The following ZNF573 variants were observed in gnomAD, a reference collection of about 807,000 sequenced individuals.
ZNF573 encodes zinc finger protein 573.
In ZNF573, 41 loss-of-function variants were observed where a neutral mutation model predicts 57.4. That is an observed-to-expected ratio of 0.71 (90% confidence interval 0.56 to 0.93). ZNF573 has a LOEUF of 0.93. Among genes scored for constraint, ZNF573 ranks in the 40% least tolerant of loss-of-function variants. The pLI is 0.00. For synonymous variants in ZNF573, 249 were observed against 261.0 expected, an observed-to-expected ratio of 0.95 and a Z score of 0.44; for missense variants, 730 against 794.8, an observed-to-expected ratio of 0.92 and a Z score of 0.98.
At chr19:37,755,075 T>C (rs2045475037) in intron 4 of ZNF573, 1 of 152,210 alleles carries the variant, frequency 6.6e-6, no homozygotes, top group Non-Finnish European at 1.5e-5. Context: ...GTTCACGCCA[T>C]TCTCCTGCCT....
At chr19:37,763,908 A>T (rs2045575767) in intron 4 of ZNF573, among the ~76,000 whole-genome samples, 1 of 152,006 alleles carries the variant, frequency 6.6e-6, no homozygotes, top group Non-Finnish European at 1.5e-5. Context: ...TACTAAAAAT[A>T]CAAAATTAGC....
chr19:37,743,386 T>C, intron 4 of ZNF573, among the ~76,000 whole-genome samples: 1 of 147,684 alleles, frequency 6.8e-6, no homozygotes, highest in African/African-American at 2.5e-5. Flanking sequence ...GAAGAAAAGC[T>C]CAACATCATC....
intron 4 of ZNF573, among the ~76,000 whole-genome samples, chr19:37,750,967 T>C (rs997058011): frequency 5.9e-5 from 9 of 151,844 alleles, no homozygotes; most frequent in Admixed American, 2.6e-4. Context: ...TCAGTACTCA[T>C]ACTTTGTGAC....
rs528988052 is a variant in ZNF573, at chr19:37,744,062, T to C, written c.296-3868A>G. 1.1e-3 allele frequency among the ~76,000 whole-genome samples: 170 copies of C among 150,490 alleles called. 1 individual carries two copies. Among genetic ancestry groups the C allele is most frequent in the African/African-American group, 4.1e-3 (166 of 40,950 alleles). On this transcript the variant is annotated intron_variant, in intron 4 of 4. Transcript: ENST00000536220. The stretch of plus-strand genomic sequence containing the variant: ...CAAACCACCACGGCACACGTATACC[T>C]ATGTAACAAACCTGCATGTTCTGCA...
In ZNF573 at chr19:37,739,615, T is replaced by C. The variant is rs1270566999; in HGVS notation, c.875A>G (p.His292Arg). 36 of 1,614,028 alleles carry C rather than the reference T, an allele frequency of 2.2e-5. No individual in the cohort carries two copies. The highest frequency in any genetic ancestry group is 3.0e-5 in the Non-Finnish European group (35 of 1,180,028). Reference protein sequence around the residue: ...TFSRRSNLVEHGQFHTDEKPY... With the variant: ...TFSRRSNLVERGQFHTDEKPY... Reference sequence around the variant, plus strand: ...CTTCTCATCAGTATGAAACTGCCCATGTTCAACAAGATTTGAGCGCCTACT... The same window carrying C: ...CTTCTCATCAGTATGAAACTGCCCACGTTCAACAAGATTTGAGCGCCTACT... Residue 292 changes from histidine to arginine, a missense_variant, in exon 5 of 5, where the codon CAT (histidine) becomes CGT (arginine). Physicochemically the swap from His to Arg is conservative, Grantham distance 29. Coordinates refer to ENST00000536220, the MANE Select transcript of ZNF573 (RefSeq NM_001172690.2).
chr19:37,747,699 C>T (rs2045394272), intron 4 of ZNF573, among the ~76,000 whole-genome samples: 1 of 152,034 alleles, frequency 6.6e-6, no homozygotes, highest in South Asian at 2.1e-4. Flanking sequence ...CTTCACCTCT[C>T]TTACAGTCTT....
rs1037462447 is a variant in ZNF573 at position 37,738,742 on chromosome 19, T to C, written c.1748A>G (p.Glu583Gly). Residue 583 changes from glutamate (E) to glycine (G), a missense_variant, in exon 5 of 5, where the codon GAA (glutamate) becomes GGA (glycine). Transcript: ENST00000536220. ...AAAGGCCTTTCCACATTCTTTACAT[T>C]CATAGGGTTTTTTATCAGCATGAAT... ...QSIHADKKPYECKECGKAFKM... is the reference protein window; with the variant it reads ...QSIHADKKPYGCKECGKAFKM... 2 of 1,613,780 alleles carry C rather than the reference T, an allele frequency of 1.2e-6. No individual in the cohort carries two copies. The highest frequency in any genetic ancestry group is 2.7e-5 in the African/African-American group (2 of 74,908).
rs959276580 is a variant in ZNF573, at chr19:37,744,407, GA to G, written c.296-4214del. On this transcript the variant is annotated intron_variant, in intron 4 of 4. Coordinates refer to ENST00000536220, the MANE Select transcript of ZNF573 (RefSeq NM_001172690.2). ...GCTGGCCCAGAAGTAGACAGAAGGG[GA>G]AAAAAAAAGAGGAGTCATCAGCAGT... Among the ~76,000 whole-genome samples, 5 of 149,714 alleles carry G rather than the reference GA, an allele frequency of 3.3e-5. No homozygotes were observed. In the East Asian group the frequency reaches 5.8e-4, roughly 17 times the overall value.
Position 37,739,704 on chromosome 19 carries a change from T to A in ZNF573, c.786A>T (p.Arg262Ser), listed in dbSNP as rs775313751. Residue 262 changes from arginine to serine, a missense_variant, in exon 5 of 5, where the codon AGA (arginine) becomes AGT (serine). Physicochemically the swap from Arg to Ser is moderately radical, Grantham distance 110. Coordinates refer to ENST00000536220, the MANE Select transcript of ZNF573 (RefSeq NM_001172690.2). ...CGCCAGTATGAACTCTCTGATGAAT[T>A]CTAAGATGTCCACCTTGACTAAAGG... ...GRAFSQGGHL[R>S]IHQRVHTGEK... is the part of the protein sequence containing the mutation. The A allele has an allele frequency of 6.2e-7, 1 of 1,613,794 alleles. No homozygotes were observed. Among genetic ancestry groups the A allele is most frequent in the South Asian group, 1.1e-5 (1 of 91,020 alleles).
At chr19:37,740,659 A>T in intron 4 of ZNF573, 1 of 452,638 alleles carries the variant, frequency 2.2e-6, no homozygotes, top group African/African-American at 2.0e-5. Context: ...TCTCATGTCA[A>T]AACATCAGCT....
chr19:37,757,655 C>T (rs1443943458), intron 4 of ZNF573, among the ~76,000 whole-genome samples: 1 of 152,132 alleles, frequency 6.6e-6, no homozygotes, highest in Non-Finnish European at 1.5e-5. Flanking sequence ...GGATCTAAAA[C>T]TAGAAATACC....
chr19:37,759,563 T>C lies in ZNF573; in HGVS notation c.295+10442A>G, dbSNP rs188991036. 3.3e-5 allele frequency among the ~76,000 whole-genome samples: 5 copies of C among 152,036 alleles called. No individual in the cohort carries two copies. The East Asian group carries it at 9.7e-4, about 29-fold the overall frequency. ...TAATACAGTGAAACCCTGTTTCTAC[T>C]AAAAATACAAAAAAATTAGCCAGGC... On this transcript the variant is annotated intron_variant, in intron 4 of 4. Transcript: ENST00000536220.
intron 4 of ZNF573, among the ~76,000 whole-genome samples, chr19:37,751,055 G>A (rs1402536958): frequency 6.7e-6 from 1 of 150,214 alleles, no homozygotes; most frequent in Non-Finnish European, 1.5e-5. Flanking sequence ...ACTGTCTATA[G>A]TAGTATAGTA....
intron 4 of ZNF573, among the ~76,000 whole-genome samples, chr19:37,767,484 C>T (rs62110180): frequency 0.013 from 1,923 of 152,224 alleles, 26 homozygotes; most frequent in Non-Finnish European, 0.021. Context: ...CTGCCCGCCT[C>T]GGCCTCCCAA....
chr19:37,764,145 A>C (rs1384922996), intron 4 of ZNF573, among the ~76,000 whole-genome samples: 1 of 151,842 alleles, frequency 6.6e-6, no homozygotes, highest in Non-Finnish European at 1.5e-5. Context: ...AGTATTGGAG[A>C]ATTGGTACTA....
intron 1 of ZNF573, among the ~76,000 whole-genome samples, chr19:37,777,947 C>A (rs1346541043): frequency 6.7e-6 from 1 of 148,300 alleles, no homozygotes; most frequent in Non-Finnish European, 1.5e-5. Context: ...TGGCCTGAAC[C>A]CGGGAGGCAG....
chr19:37,740,718 A>G (rs537191661), intron 4 of ZNF573: 3 of 405,272 alleles, frequency 7.4e-6, no homozygotes, highest in East Asian at 1.5e-4. Flanking sequence ...CACCTGGAAT[A>G]TAGTACAATT....
chr19:37,763,761 G>A (rs1438146097), intron 4 of ZNF573, among the ~76,000 whole-genome samples: 2 of 151,766 alleles, frequency 1.3e-5, no homozygotes, highest in Non-Finnish European at 2.9e-5. Flanking sequence ...TGTTTTATGT[G>A]TCATAAAGAA....
chr19:37,739,084 A>G lies in ZNF573; in HGVS notation c.1406T>C (p.Leu469Pro), dbSNP rs756942189. Residue 469 changes from leucine to proline, a missense_variant, in exon 5 of 5, where the codon CTT becomes CCT. Physicochemically the swap from Leu to Pro is moderately conservative, Grantham distance 98. Transcript: ENST00000536220. ...RHQNIHTGKKLFECQECGKAY... is the reference protein window; with the variant it reads ...RHQNIHTGKKPFECQECGKAY... ...CTTCCCACATTCCTGACATTCAAAA[A>G]GTTTCTTACCAGTGTGAATATTCTG... is the stretch of plus-strand genomic sequence containing the variant. 1 of 1,612,392 alleles carries G rather than the reference A, an allele frequency of 6.2e-7. No homozygotes were observed. The highest frequency in any genetic ancestry group is 1.7e-5 in the Admixed American group (1 of 59,674).
Sources: gnomAD v4.1 joint callset for allele counts (sites outside exome capture counted in the v4.1 genomes callset) on GRCh38, gnomAD v4.1.1 for gene constraint, MANE v1.5 for transcripts, NCBI Gene and HGNC (gene_info 2026-07-23, HGNC 2026-07-21) for gene names.